Variants in MYO18B observed in about 807,000 individuals in gnomAD.
The protein encoded by MYO18B is myosin XVIIIB.
A neutral mutation model predicts 273.0 loss-of-function variants in MYO18B; 204 were observed. The ratio of observed to expected loss-of-function variants is 0.75; its 90% CI spans 0.67 to 0.84. MYO18B has a LOEUF of 0.84. MYO18B is among the 40% of genes least tolerant of loss of function. MYO18B has a pLI of 0.00. For synonymous variants in MYO18B, 1,330 were observed against 1,305.7 expected (o/e 1.02, Z -0.40); for missense variants, 3,212 against 3,287.6 (o/e 0.98, Z 0.56).
intron 41 of MYO18B, among the ~76,000 whole-genome samples, chr22:26,003,980 A>T (rs1001221232): frequency 7.0e-6 from 1 of 143,718 alleles, no homozygotes; most frequent in Non-Finnish European, 1.5e-5. Context: ...TAAAAATTTT[A>T]TTGTTATTTA....
Position 25,886,515 on chromosome 22 carries a change from G to A in MYO18B, c.4315-4241G>A, listed in dbSNP as rs8141290. On this transcript the variant is annotated intron_variant, in intron 25 of 43. Coordinates refer to ENST00000335473, the MANE Select transcript of MYO18B (RefSeq NM_032608.7). Reference sequence around the variant, plus strand: ...TTCTTCACTCAGGTTGAAGGGGGTGGGAGTGGGGGCTTCCCTTCCACTGGG... The same window carrying A: ...TTCTTCACTCAGGTTGAAGGGGGTGAGAGTGGGGGCTTCCCTTCCACTGGG... Among the ~76,000 whole-genome samples the A allele has an allele frequency of 1.0e-2, 1,522 of 152,256 alleles. 24 individuals carry two copies. The highest frequency in any genetic ancestry group is 0.035 in the African/African-American group (1,470 of 41,556).
At chr22:25,991,454 A>G (rs1475454204) in intron 39 of MYO18B, among the ~76,000 whole-genome samples, 2 of 152,256 alleles carry the variant, frequency 1.3e-5, no homozygotes, top group Non-Finnish European at 2.9e-5. Context: ...GTCTCCAGAC[A>G]TGACCAAATG....
At chr22:26,046,509 G>A in the MYO18B span, among the ~76,000 whole-genome samples, 1 of 152,072 alleles carries the variant, frequency 6.6e-6, no homozygotes, top group Non-Finnish European at 1.5e-5. Context: ...TCTATCAGTG[G>A]GACTTTTGAC....
intron 42 of MYO18B, among the ~76,000 whole-genome samples, chr22:26,020,413 C>T (rs757411937): frequency 1.8e-4 from 27 of 152,138 alleles, no homozygotes; most frequent in Non-Finnish European, 3.5e-4. Context: ...CTTCAGTCTC[C>T]ACTTCCCTTC....
chr22:26,052,672 T>G, the MYO18B span, among the ~76,000 whole-genome samples: 1 of 152,164 alleles, frequency 6.6e-6, no homozygotes, highest in African/African-American at 2.4e-5. Context: ...GAGTTTTTGA[T>G]TAAGTGTTGA....
chr22:25,855,875 C>A (rs547436600), intron 21 of MYO18B, among the ~76,000 whole-genome samples: 1 of 150,994 alleles, frequency 6.6e-6, no homozygotes, highest in African/African-American at 2.4e-5. Flanking sequence ...GGTACACATG[C>A]ATGTTTATTA....
chr22:25,975,446 T>G (rs2093079243), intron 39 of MYO18B, among the ~76,000 whole-genome samples: 1 of 152,184 alleles, frequency 6.6e-6, no homozygotes, highest in African/African-American at 2.4e-5. Flanking sequence ...GGGATTAACA[T>G]TTACTGTATG....
At chr22:25,915,673 A>G (rs910732727) in intron 33 of MYO18B, among the ~76,000 whole-genome samples, 1 of 152,194 alleles carries the variant, frequency 6.6e-6, no homozygotes, top group African/African-American at 2.4e-5. Context: ...GCAATTGTTG[A>G]TAATCTGATG....
intron 40 of MYO18B, among the ~76,000 whole-genome samples, chr22:25,995,390 A>G (rs988690604): frequency 1.3e-5 from 2 of 152,174 alleles, no homozygotes; most frequent in African/African-American, 4.8e-5. Context: ...AAAATAACTA[A>G]AGGAGTATAG....
At chr22:25,812,538 A>G (rs2088811288) in intron 12 of MYO18B, among the ~76,000 whole-genome samples, 1 of 152,164 alleles carries the variant, frequency 6.6e-6, no homozygotes, top group Admixed American at 6.5e-5. Flanking sequence ...CAAGCTCTGA[A>G]TTAAAGGGTG....
intron 34 of MYO18B, among the ~76,000 whole-genome samples, chr22:25,945,394 A>G (rs2146579414): frequency 6.6e-6 from 1 of 152,162 alleles, no homozygotes; most frequent in Middle Eastern, 3.4e-3. Flanking sequence ...GGCAGGGGCC[A>G]GCTTGATTGT....
chr22:25,836,964 AAATAATAATAAT>A (rs71191082), intron 17 of MYO18B, among the ~76,000 whole-genome samples: 8,229 of 142,102 alleles, frequency 0.058, 348 homozygotes, highest in South Asian at 0.12. Flanking sequence ...TTCCATCTCA[AAATAATAATAAT>A]AATAATAATA....
Position 25,903,773 on chromosome 22 carries a change from C to T in MYO18B, c.5090C>T (p.Ala1697Val), listed in dbSNP as rs1158640668. Residue 1697 changes from alanine (A) to valine (V), a missense_variant, in exon 31 of 44, where the codon GCC (alanine) becomes GTC (valine). By Grantham distance (64) the Ala-to-Val change is moderately conservative. Coordinates refer to ENST00000335473, the MANE Select transcript of MYO18B (RefSeq NM_032608.7). The stretch of plus-strand genomic sequence containing the variant: ...AGGCTCTGGAAGTTGGAATCCAGCG[C>T]CCTTGAGCAACAGAAAATCCAGAGC... ...KERLWKLESS[A>V]LEQQKIQSQQ... The T allele has an allele frequency of 1.4e-5, 23 of 1,603,940 alleles. No individual in the cohort carries two copies. The Admixed American group carries it at 2.9e-4, about 20-fold the overall frequency.
intron 20 of MYO18B, among the ~76,000 whole-genome samples, chr22:25,848,215 G>C (rs1412966814): frequency 6.6e-6 from 1 of 152,100 alleles, no homozygotes; most frequent in Non-Finnish European, 1.5e-5. Context: ...TTTGGTTTGG[G>C]AGGTTGCTGT....
downstream of MYO18B, among the ~76,000 whole-genome samples, chr22:26,031,629 G>A (rs1414185179): frequency 6.6e-6 from 1 of 152,136 alleles, no homozygotes; most frequent in Non-Finnish European, 1.5e-5. Flanking sequence ...AGTGGGGCTG[G>A]GGAAGTGGGC....
intron 39 of MYO18B, among the ~76,000 whole-genome samples, chr22:25,957,127 G>C (rs1422166737): frequency 1.3e-5 from 2 of 152,182 alleles, no homozygotes; most frequent in Non-Finnish European, 2.9e-5. Context: ...CACCCCTCCT[G>C]CAAGCTCTGG....
the MYO18B span, among the ~76,000 whole-genome samples, chr22:26,061,759 C>A: frequency 6.6e-6 from 1 of 151,568 alleles, no homozygotes; most frequent in South Asian, 2.1e-4. Flanking sequence ...ACACCTCTGC[C>A]CAACTCCAGC....
intron 29 of MYO18B, chr22:25,900,248 A>C (rs1408826091): frequency 6.6e-6 from 1 of 152,192 alleles, no homozygotes; most frequent in Non-Finnish European, 1.5e-5. Context: ...TTTTGATGCC[A>C]ATTGCAGATA....
intron 39 of MYO18B, among the ~76,000 whole-genome samples, chr22:25,988,038 AT>A (rs2093220878): frequency 6.6e-6 from 1 of 151,950 alleles, no homozygotes; most frequent in African/African-American, 2.4e-5. Context: ...ACACAACCCC[AT>A]TTTCATGGAG....
Sources: allele counts gnomAD v4.1 joint callset (sites outside exome capture counted in the v4.1 genomes callset), GRCh38; gene constraint gnomAD v4.1.1; transcripts MANE v1.5; gene names NCBI Gene and HGNC (gene_info 2026-07-23, HGNC 2026-07-21).